Variants in RUBCN observed in about 807,000 individuals in gnomAD.
RUBCN encodes the protein rubicon autophagy regulator.
In RUBCN, 74 loss-of-function variants were observed where a neutral mutation model predicts 113.2. The ratio of observed to expected loss-of-function variants is 0.65; its 90% CI spans 0.54 to 0.79. The LOEUF is 0.79. Ranked by LOEUF, RUBCN falls within the 30% of genes least tolerant of loss-of-function variation. The pLI, the probability that RUBCN is intolerant of heterozygous loss-of-function variation, is 0.00. For missense variants in RUBCN, 1,109 were observed against 1,251.7 expected, an observed-to-expected ratio of 0.89 and a Z score of 1.72; for synonymous variants, 480 against 490.0, an observed-to-expected ratio of 0.98 and a Z score of 0.27.
rs982435561 is a variant in RUBCN, at chr3:197,676,775, C to T, written c.2646+110G>A. 528 of 1,590,690 alleles carry T rather than the reference C, an allele frequency of 3.3e-4. 1 individual carries two copies. Among genetic ancestry groups the T allele is most frequent in the Non-Finnish European group, 5.0e-5 (59 of 1,173,986 alleles). On this transcript the variant is annotated intron_variant, in intron 18 of 19. Coordinates refer to ENST00000296343, the MANE Select transcript of RUBCN (RefSeq NM_014687.4). ...TTTCCAGTTCCTCTCCCAGTGCTGA[C>T]TGGCCATTTCAACTTCCTCAAGCTA...
chr3:197,721,436 G>A (rs186958625), intron 1 of RUBCN, among the ~76,000 whole-genome samples: 1 of 152,270 alleles, frequency 6.6e-6, no homozygotes, highest in African/African-American at 2.4e-5. Context: ...TCATAGTTCT[G>A]TGCTGTCAGT....
intron 16 of RUBCN, among the ~76,000 whole-genome samples, chr3:197,680,393 C>A (rs1390278667): frequency 5.4e-5 from 8 of 147,202 alleles, no homozygotes; most frequent in Non-Finnish European, 1.1e-4. Flanking sequence ...TGTGCTCTAA[C>A]TGACAACTGG....
chr3:197,704,540 A>G lies in RUBCN; in HGVS notation c.463+2T>C. Reference sequence around the variant, plus strand: ...TGACAGTCCTAAGTGGCCTCTACCTACCTGTGTAGAATTTTCTGATATACT... The same window carrying G: ...TGACAGTCCTAAGTGGCCTCTACCTGCCTGTGTAGAATTTTCTGATATACT... On this transcript the variant is annotated splice_donor_variant, in intron 4 of 19. Coordinates refer to ENST00000296343, the MANE Select transcript of RUBCN (RefSeq NM_014687.4). LOFTEE classifies it high-confidence loss of function. 6.2e-7 allele frequency: 1 copy of G among 1,614,032 alleles called. No individual in the cohort carries two copies. The highest frequency in any genetic ancestry group is 8.5e-7 in the Non-Finnish European group (1 of 1,179,894).
intron 5 of RUBCN, 58 bp from the exon 6 acceptor site, chr3:197,701,922 G>C (rs1302315355): frequency 6.5e-7 from 1 of 1,526,940 alleles, no homozygotes. Flanking sequence ...GGGCCTCAGA[G>C]TGGGGGCAAC....
chr3:197,681,931 A>G lies in RUBCN; in HGVS notation c.2127-32T>C. The G allele has an allele frequency of 6.3e-7, 1 of 1,577,348 alleles. No individual in the cohort carries two copies. The highest frequency in any genetic ancestry group is 8.7e-7 in the Non-Finnish European group (1 of 1,146,738). ...AAGGGTAAGGACAGGGCATTGGCAC[A>G]GAGCAGCTGCGTGAGACCTTGGAGG... On this transcript the variant is annotated intron_variant, in intron 14 of 19. Transcript: ENST00000296343. This position sits in a 1 kb window ranked among gnomAD's most constrained non-coding sequence, Gnocchi z 5.5.
rs563187618 is a variant in RUBCN, at chr3:197,683,269, C to T, written c.1980+38G>A. The T allele has an allele frequency of 7.4e-6, 12 of 1,613,928 alleles. No homozygotes were observed. The highest frequency in any genetic ancestry group is 5.0e-5 in the Admixed American group (3 of 60,028). On this transcript the variant is annotated intron_variant, in intron 13 of 19. Coordinates refer to ENST00000296343, the MANE Select transcript of RUBCN (RefSeq NM_014687.4). The surrounding 1 kb of genome is among the most constrained non-coding windows in gnomAD (Gnocchi z 4.6). ...AGGAAAACAAGGTCACAGAGGCTCA[C>T]GATGGCCCCTGGGTAGGAAGAAGAG...
rs76825253 is a variant in RUBCN at position 197,675,401 on chromosome 3, G to A, written c.2740+21C>T. ...GCCCTGTGTTCAGGCTCACTTGCCCGATGCCTGCACCTGCCCTCACCTTCA... is the reference window on the plus strand; with the variant it reads ...GCCCTGTGTTCAGGCTCACTTGCCCAATGCCTGCACCTGCCCTCACCTTCA... On this transcript the variant is annotated intron_variant, in intron 19 of 19. Coordinates refer to ENST00000296343, the MANE Select transcript of RUBCN (RefSeq NM_014687.4). This position sits in a 1 kb window ranked among gnomAD's most constrained non-coding sequence, Gnocchi z 4.4. The A allele has an allele frequency of 0.012, 19,613 of 1,598,998 alleles. 390 individuals carry two copies. Among genetic ancestry groups the A allele is most frequent in the African/African-American group, 0.056 (4,182 of 74,756 alleles).
At chr3:197,721,460 T>C (rs2108969584) in intron 1 of RUBCN, among the ~76,000 whole-genome samples, 1 of 152,248 alleles carries the variant, frequency 6.6e-6, no homozygotes, top group African/African-American at 2.4e-5. Flanking sequence ...AATGTCTCCT[T>C]TTTCTCTCTG....
intron 11 of RUBCN, 120 bp from the exon 12 acceptor site, chr3:197,684,337 A>C: frequency 1.3e-6 from 1 of 799,496 alleles, no homozygotes; most frequent in Non-Finnish European, 2.3e-6. Flanking sequence ...GCCACACTCT[A>C]TGCAGGAGAA....
chr3:197,736,303 CCTGTCTA>C (rs1728111777), intron 1 of RUBCN, among the ~76,000 whole-genome samples: 1 of 152,144 alleles, frequency 6.6e-6, no homozygotes, highest in Non-Finnish European at 1.5e-5. Flanking sequence ...GTGCCCTGCC[CCTGTCTA>C]TAGACTCTGG....
Position 197,749,260 on chromosome 3 carries a change from GGTACTTACCC to G in RUBCN, c.-117_-116+8del. The G allele has an allele frequency of 9.6e-7, 1 of 1,042,188 alleles. No individual in the cohort carries two copies. Among genetic ancestry groups the G allele is most frequent in the South Asian group, 3.0e-5 (1 of 33,654 alleles). The allele number at this position is 1,042,188 out of a possible 1,614,324, so 64.6% of individuals were successfully genotyped here. A position where few individuals can be genotyped will look rare whatever the true frequency, so the allele number is the denominator to read the frequency against. ...AAGAAAATGCAGCTACATCAACAGAGGTACTTACCCCTCCCGAGGGAAGCTGAGGTCTTAT... is the reference window on the plus strand; with the variant it reads ...AAGAAAATGCAGCTACATCAACAGAGCTCCCGAGGGAAGCTGAGGTCTTAT... On this transcript the variant is annotated splice_donor_variant and splice_donor_5th_base_variant and 5_prime_UTR_variant and intron_variant, in exon 1 of 21. Transcript: ENST00000273582. LOFTEE classifies it low-confidence loss of function (5UTR_SPLICE).
chr3:197,729,390 C>T (rs547786238), intron 1 of RUBCN, among the ~76,000 whole-genome samples: 308 of 151,690 alleles, frequency 2.0e-3, no homozygotes, highest in Middle Eastern at 3.4e-3. Flanking sequence ...GTAGCTGGGA[C>T]TACAGGCGCC....
intron 11 of RUBCN, among the ~76,000 whole-genome samples, chr3:197,687,749 C>T (rs546319783): frequency 3.9e-5 from 6 of 152,322 alleles, no homozygotes; most frequent in African/African-American, 1.4e-4. Context: ...CACCAGTACC[C>T]TTGGGTTCTG....
upstream of RUBCN, among the ~76,000 whole-genome samples, chr3:197,739,193 G>A (rs571165644): frequency 1.3e-5 from 2 of 151,798 alleles, no homozygotes; most frequent in East Asian, 2.0e-4. Flanking sequence ...CGCCGGCTTC[G>A]GCCTCCCAAA....
intron 1 of RUBCN, among the ~76,000 whole-genome samples, chr3:197,747,792 C>G (rs917726395): frequency 1.3e-5 from 2 of 152,140 alleles, no homozygotes; most frequent in Non-Finnish European, 1.5e-5. Flanking sequence ...ACTCACTATT[C>G]TTACTCCTTT....
chr3:197,675,431 T>C lies in RUBCN; in HGVS notation c.2731A>G (p.Thr911Ala), dbSNP rs1720267504. The C allele has an allele frequency of 6.2e-7, 1 of 1,613,476 alleles. No individual in the cohort carries two copies. The highest frequency in any genetic ancestry group is 1.3e-5 in the African/African-American group (1 of 74,918). ...CTGCACCTGCCCTCACCTTCACAGGTCCGGCACTTATGGAGCTCAAAGGGA... is the reference window on the plus strand; with the variant it reads ...CTGCACCTGCCCTCACCTTCACAGGCCCGGCACTTATGGAGCTCAAAGGGA... ...IFPFELHKCR[T>A]CEECKACYHK... is the part of the protein sequence containing the mutation. Residue 911 changes from threonine (T) to alanine (A), a missense_variant, in exon 19 of 20, where the codon ACC (threonine) becomes GCC (alanine). Transcript: ENST00000296343. This position sits in a 1 kb window ranked among gnomAD's most constrained non-coding sequence, Gnocchi z 4.4.
chr3:197,681,134 C>A lies in RUBCN; in HGVS notation c.2425G>T (p.Val809Phe), dbSNP rs1405496429. ...GGCCTTTTCCAAGGTCTTACCCGGA[C>A]TTGATTGAGCAGCTTGACCTTCCTA... is the stretch of plus-strand genomic sequence containing the variant. ...LYRKVKLLNQ[V>F]RLLRVQLCHM... The change falls in exon 16 of 20, where the codon GTC (valine) becomes TTC (phenylalanine). Residue 809 changes from valine to phenylalanine, a missense_variant. This residue lies in a region of RUBCN where 306 missense variants were observed against 348.9 expected (regional missense o/e 0.88). Transcript: ENST00000296343. This position sits in a 1 kb window ranked among gnomAD's most constrained non-coding sequence, Gnocchi z 5.5. The A allele has an allele frequency of 6.2e-7, 1 of 1,611,042 alleles. No homozygotes were observed. Among genetic ancestry groups the A allele is most frequent in the South Asian group, 1.1e-5 (1 of 90,996 alleles).
At chr3:197,716,980 G>A (rs1392397355) in intron 2 of RUBCN, among the ~76,000 whole-genome samples, 2 of 152,146 alleles carry the variant, frequency 1.3e-5, no homozygotes, top group Non-Finnish European at 2.9e-5. Context: ...AATTAGCCAG[G>A]TGTGGTTGCA....
At position 197,700,594 on chromosome 3, in the gene RUBCN, A is replaced by C; in HGVS notation, c.1261+19T>G. 1 of 1,613,900 alleles carries C rather than the reference A, an allele frequency of 6.2e-7. No homozygotes were observed. Among genetic ancestry groups the C allele is most frequent in the Non-Finnish European group, 8.5e-7 (1 of 1,179,782 alleles). ...ATTCAGGGTCATCTTGCTAACTAGC[A>C]GCCGGTGTTCCTCATTACCTGGAGC... On this transcript the variant is annotated intron_variant, in intron 7 of 19. Coordinates refer to ENST00000296343, the MANE Select transcript of RUBCN (RefSeq NM_014687.4).
Sources: gnomAD v4.1 joint callset for allele counts (sites outside exome capture counted in the v4.1 genomes callset) on GRCh38, gnomAD v4.1.1 for gene constraint, gnomAD v4.1.1 regional missense constraint, Gnocchi (gnomAD v3.1) non-coding constraint, MANE v1.5 for transcripts, NCBI Gene and HGNC (gene_info 2026-07-23, HGNC 2026-07-21) for gene names.